Variants in VSNL1 observed in about 807,000 individuals in gnomAD.
VSNL1 encodes the protein visinin-like protein 1.
In VSNL1, 6 loss-of-function variants were observed where a neutral mutation model predicts 20.4. The observed-to-expected ratio is 0.29, with a 90% CI of 0.16 to 0.58. VSNL1 has a LOEUF of 0.58. Among genes scored for constraint, VSNL1 ranks in the 20% least tolerant of loss-of-function variants. The pLI, the probability that VSNL1 is intolerant of heterozygous loss-of-function variation, is 0.90. For missense variants in VSNL1, 100 were observed against 234.5 expected (o/e 0.43, Z 3.75); for synonymous variants, 93 against 86.4 (o/e 1.08, Z -0.42).
At chr2:17,625,663 GGCA>G (rs1424496534) in intron 2 of VSNL1, among the ~76,000 whole-genome samples, 4 of 152,114 alleles carry the variant, frequency 2.6e-5, no homozygotes, top group Non-Finnish European at 5.9e-5. Context: ...GCAGTTAGGA[GGCA>G]GGGGCTGGGG....
At chr2:17,597,560 C>G (rs1373576854) in intron 2 of VSNL1, among the ~76,000 whole-genome samples, 2 of 152,094 alleles carry the variant, frequency 1.3e-5, no homozygotes, top group East Asian at 3.9e-4. Context: ...ATTTGATCAT[C>G]ATTGATTTAA....
intron 2 of VSNL1, among the ~76,000 whole-genome samples, chr2:17,631,806 G>A (rs11685949): frequency 0.25 from 37,578 of 152,182 alleles, 6,047 homozygotes; most frequent in Middle Eastern, 0.49. Context: ...ATATACATGC[G>A]TGTATGTGTA....
At chr2:17,644,571 G>C (rs1481841842) in intron 2 of VSNL1, among the ~76,000 whole-genome samples, 1 of 152,240 alleles carries the variant, frequency 6.6e-6, no homozygotes, top group East Asian at 1.9e-4. Flanking sequence ...GTGCTGGGAA[G>C]AGCCAAGGCT....
Position 17,634,783 on chromosome 2 carries a change from C to G in VSNL1, c.163-14627C>G, listed in dbSNP as rs143653668. Among the ~76,000 whole-genome samples, 1 of 152,172 alleles carries G rather than the reference C, an allele frequency of 6.6e-6. No individual in the cohort carries two copies. Among genetic ancestry groups the G allele is most frequent in the African/African-American group, 2.4e-5 (1 of 41,444 alleles). On this transcript the variant is annotated intron_variant, in intron 2 of 3. Transcript: ENST00000295156. This position sits in a 1 kb window ranked among gnomAD's most constrained non-coding sequence, Gnocchi z 4.3. Reference sequence around the variant, plus strand: ...CCCATAGTCACACAGTTCCATCCCACCCACTTCGTGCTCTGGTGCTGCTTC... The same window carrying G: ...CCCATAGTCACACAGTTCCATCCCAGCCACTTCGTGCTCTGGTGCTGCTTC...
intron 2 of VSNL1, among the ~76,000 whole-genome samples, chr2:17,627,733 A>G (rs954535784): frequency 1.3e-5 from 2 of 152,210 alleles, no homozygotes; most frequent in South Asian, 4.1e-4. Flanking sequence ...TAGGTTCACA[A>G]TAGTGATGTT....
chr2:17,592,235 A>G lies in VSNL1; in HGVS notation c.161A>G (p.Lys54Arg). 1 of 1,613,410 alleles carries G rather than the reference A, an allele frequency of 6.2e-7. No homozygotes were observed. Among genetic ancestry groups the G allele is most frequent in the Non-Finnish European group, 8.5e-7 (1 of 1,179,532 alleles). Residue 54 changes from lysine (K) to arginine (R), a missense_variant and splice_region_variant, in exon 2 of 4, where the codon AAG becomes AGG. Lys to Arg is a conservative substitution (Grantham distance 26, BLOSUM62 2). Transcript: ENST00000295156. ...NLEEFQQLYV[K>R]FFPYGDASKF... ...GAGGAATTTCAGCAGCTCTATGTGA[A>G]GGTAAGTTGTTTTTCAACCTTGTTT... is the stretch of plus-strand genomic sequence containing the variant.
At chr2:17,552,199 C>CAAAAAAA (rs34120285) in intron 1 of VSNL1, among the ~76,000 whole-genome samples, 3 of 120,706 alleles carry the variant, frequency 2.5e-5, no homozygotes, top group South Asian at 2.8e-4. Flanking sequence ...GATTCCATCT[C>CAAAAAAA]AAAAAAAAAA....
intron 1 of VSNL1, among the ~76,000 whole-genome samples, chr2:17,545,218 G>A (rs985736413): frequency 6.6e-6 from 1 of 151,894 alleles, no homozygotes; most frequent in African/African-American, 2.4e-5. Context: ...GAAACCATGT[G>A]CACAATTAAC....
intron 1 of VSNL1, among the ~76,000 whole-genome samples, chr2:17,568,015 C>A (rs1364249879): frequency 3.3e-5 from 5 of 151,854 alleles, no homozygotes; most frequent in Non-Finnish European, 7.4e-5. Flanking sequence ...TTAGATGATT[C>A]CTTACAAATG....
intron 1 of VSNL1, among the ~76,000 whole-genome samples, chr2:17,579,548 C>A (rs1171719567): frequency 2.0e-5 from 3 of 152,172 alleles, no homozygotes; most frequent in Non-Finnish European, 2.9e-5. Context: ...CTTACAATGA[C>A]CTGGCAAATT....
At chr2:17,551,839 A>G (rs1385681251) in intron 1 of VSNL1, among the ~76,000 whole-genome samples, 2 of 151,728 alleles carry the variant, frequency 1.3e-5, no homozygotes, top group Admixed American at 6.6e-5. Flanking sequence ...CTCAAGAGCA[A>G]GTAAATGAAA....
intron 3 of VSNL1, among the ~76,000 whole-genome samples, chr2:17,651,852 C>T (rs1666129267): frequency 6.6e-6 from 1 of 152,196 alleles, no homozygotes; most frequent in South Asian, 2.1e-4. Flanking sequence ...GGTTCCTGGA[C>T]ATTATGAATG....
intron 2 of VSNL1, among the ~76,000 whole-genome samples, chr2:17,607,388 A>G (rs1234774097): frequency 6.6e-6 from 1 of 152,244 alleles, no homozygotes; most frequent in Non-Finnish European, 1.5e-5. Flanking sequence ...TACAAAAATG[A>G]ATAAAATGTG....
At chr2:17,603,362 G>T (rs1294228274) in intron 2 of VSNL1, among the ~76,000 whole-genome samples, 1 of 152,184 alleles carries the variant, frequency 6.6e-6, no homozygotes, top group Non-Finnish European at 1.5e-5. Context: ...AAAGAGGCCA[G>T]TGAGCTCTCC....
chr2:17,555,030 C>T (rs1259150627), intron 1 of VSNL1, among the ~76,000 whole-genome samples: 1 of 146,916 alleles, frequency 6.8e-6, no homozygotes, highest in Non-Finnish European at 1.6e-5. Context: ...TTTAAAATAC[C>T]ACTTAAAGGA....
intron 2 of VSNL1, among the ~76,000 whole-genome samples, chr2:17,648,348 G>A (rs771574175): frequency 4.6e-5 from 7 of 152,210 alleles, no homozygotes; most frequent in Non-Finnish European, 1.0e-4. Context: ...ACGGACCGAG[G>A]GCTCCTCGAG....
At chr2:17,574,150 T>A (rs1039206999) in intron 1 of VSNL1, among the ~76,000 whole-genome samples, 5 of 152,196 alleles carry the variant, frequency 3.3e-5, no homozygotes, top group Admixed American at 6.5e-5. Context: ...CTCCTGCAAG[T>A]CATAACTGAC....
chr2:17,620,290 G>C (rs534259544), intron 2 of VSNL1, among the ~76,000 whole-genome samples: 1 of 152,324 alleles, frequency 6.6e-6, no homozygotes, highest in African/African-American at 2.4e-5. Context: ...AAAAACCAGT[G>C]AAGGGTTTTA....
chr2:17,541,958 G>A (rs145602199), intron 1 of VSNL1, among the ~76,000 whole-genome samples: 34 of 152,286 alleles, frequency 2.2e-4, no homozygotes, highest in Admixed American at 3.9e-4. Flanking sequence ...TTTTTCTAGA[G>A]TTGCCCTCCT....
Sources: allele counts gnomAD v4.1 joint callset (sites outside exome capture counted in the v4.1 genomes callset), GRCh38; gene constraint gnomAD v4.1.1; non-coding constraint Gnocchi (gnomAD v3.1); transcripts MANE v1.5; gene names NCBI Gene and HGNC (gene_info 2026-07-23, HGNC 2026-07-21).